Variants in DOCK4 observed in about 807,000 individuals in gnomAD.
DOCK4 encodes dedicator of cytokinesis protein 4.
DOCK4 carries 97 observed loss-of-function variants against 268.1 expected under a neutral mutation model. That is an observed-to-expected ratio of 0.36 (90% confidence interval 0.31 to 0.43). DOCK4 has a LOEUF of 0.43. Among genes scored for constraint, DOCK4 ranks in the 20% least tolerant of loss-of-function variants. The pLI, the probability that DOCK4 is intolerant of heterozygous loss-of-function variation, is 1.00. For synonymous variants in DOCK4, 954 were observed against 887.2 expected (o/e 1.08, Z -1.34); for missense variants, 2,145 against 2,455.7 (o/e 0.87, Z 2.67).
At chr7:112,064,356 C>T (rs1396506018) in intron 1 of DOCK4, among the ~76,000 whole-genome samples, 1 of 152,204 alleles carries the variant, frequency 6.6e-6, no homozygotes, top group Non-Finnish European at 1.5e-5. Context: ...ATGGGTTCTA[C>T]TGTCTGCATC....
intron 1 of DOCK4, among the ~76,000 whole-genome samples, chr7:112,193,816 C>T (rs1476339694): frequency 3.3e-5 from 5 of 151,864 alleles, no homozygotes; most frequent in Admixed American, 1.3e-4. Context: ...ACCACAGGCT[C>T]GGTGTTCTAA....
At chr7:112,191,506 T>C (rs1338303914) in intron 1 of DOCK4, among the ~76,000 whole-genome samples, 1 of 151,844 alleles carries the variant, frequency 6.6e-6, no homozygotes, top group Non-Finnish European at 1.5e-5. Context: ...AGACCAATGC[T>C]AGAGTAAAAA....
intron 26 of DOCK4, among the ~76,000 whole-genome samples, chr7:111,833,702 G>A (rs892053926): frequency 2.0e-5 from 3 of 152,112 alleles, no homozygotes; most frequent in Non-Finnish European, 4.4e-5. Flanking sequence ...ATTTTTCTGA[G>A]ATCATACAAT....
intron 12 of DOCK4, among the ~76,000 whole-genome samples, chr7:111,926,438 CAGAG>C (rs71524824): frequency 7.3e-4 from 46 of 62,648 alleles, no homozygotes; most frequent in Middle Eastern, 0.011. Flanking sequence ...AAAAGAAAGA[CAGAG>C]AGAGAGAGAG....
At chr7:111,874,973 A>T (rs756475514) in intron 17 of DOCK4, among the ~76,000 whole-genome samples, 1 of 152,238 alleles carries the variant, frequency 6.6e-6, no homozygotes, top group Non-Finnish European at 1.5e-5. Flanking sequence ...CCACGTCAAG[A>T]AAAATGAATA....
chr7:111,924,088 G>T, intron 12 of DOCK4, among the ~76,000 whole-genome samples: 1 of 152,006 alleles, frequency 6.6e-6, no homozygotes. Flanking sequence ...TAAAAATCTC[G>T]TTCCATTTTT....
At chr7:112,056,449 G>A (rs1254016691) in intron 1 of DOCK4, among the ~76,000 whole-genome samples, 1 of 152,130 alleles carries the variant, frequency 6.6e-6, no homozygotes, top group Non-Finnish European at 1.5e-5. Context: ...TTAAAAATGT[G>A]TAAGCTCTCC....
At chr7:112,110,735 T>C (rs1179876640) in intron 1 of DOCK4, among the ~76,000 whole-genome samples, 1 of 152,198 alleles carries the variant, frequency 6.6e-6, no homozygotes, top group Non-Finnish European at 1.5e-5. Context: ...AACCCTATCA[T>C]GGGCTGCTCT....
At chr7:111,914,218 T>TCTCCACTG (rs998128790) in intron 13 of DOCK4, among the ~76,000 whole-genome samples, 11 of 152,048 alleles carry the variant, frequency 7.2e-5, no homozygotes, top group African/African-American at 2.4e-4. Context: ...ACTCTCGCCA[T>TCTCCACTG]CTCCACTGCT....
At chr7:112,045,213 G>A (rs1484714812) in intron 1 of DOCK4, among the ~76,000 whole-genome samples, 1 of 151,906 alleles carries the variant, frequency 6.6e-6, no homozygotes, top group Non-Finnish European at 1.5e-5. Context: ...TTTTATATCT[G>A]CCTCTGTTTA....
At chr7:111,918,033 T>C (rs1424050552) in intron 12 of DOCK4, among the ~76,000 whole-genome samples, 1 of 152,186 alleles carries the variant, frequency 6.6e-6, no homozygotes, top group African/African-American at 2.4e-5. Flanking sequence ...GTTGGTTTGC[T>C]TGTTTTTCAA....
intron 12 of DOCK4, among the ~76,000 whole-genome samples, chr7:111,916,927 GA>G (rs1316740669): frequency 2.7e-5 from 4 of 147,344 alleles, no homozygotes; most frequent in Non-Finnish European, 4.5e-5. Context: ...AGTAAACCCT[GA>G]ACCCAATTTG....
chr7:111,893,962 G>A lies in DOCK4; in HGVS notation c.1587+1650C>T, dbSNP rs191687244. On this transcript the variant is annotated intron_variant, in intron 16 of 52. Transcript: ENST00000428084. Reference sequence around the variant, plus strand: ...GTGTGGGCTGGGCGCAGTGGCCCACGCCTGTAATCCCAGCACTTTGGGAGG... The same window carrying A: ...GTGTGGGCTGGGCGCAGTGGCCCACACCTGTAATCCCAGCACTTTGGGAGG... Among the ~76,000 whole-genome samples, 1,101 of 152,014 alleles carry A rather than the reference G, an allele frequency of 7.2e-3. 14 individuals carry two copies. Among genetic ancestry groups the A allele is most frequent in the African/African-American group, 0.026 (1,059 of 41,466 alleles).
chr7:111,986,811 C>T (rs1055405063), intron 6 of DOCK4, among the ~76,000 whole-genome samples: 15 of 152,192 alleles, frequency 9.9e-5, no homozygotes, highest in African/African-American at 3.6e-4. Context: ...ATCTCTTCTT[C>T]CTAAGCTTCC....
intron 1 of DOCK4, among the ~76,000 whole-genome samples, chr7:112,025,377 G>A (rs1004898036): frequency 3.3e-5 from 5 of 152,152 alleles, no homozygotes; most frequent in African/African-American, 7.2e-5. Flanking sequence ...GATTTATACC[G>A]TGGGTTGGAG....
intron 28 of DOCK4, among the ~76,000 whole-genome samples, chr7:111,810,292 G>A (rs1586053519): frequency 6.6e-6 from 1 of 151,656 alleles, no homozygotes; most frequent in East Asian, 2.0e-4. Flanking sequence ...TCTATCCTAA[G>A]AATACAAAAA....
At chr7:111,871,917 T>C in intron 20 of DOCK4, 73 bp downstream of exon 20, 1 of 1,245,172 alleles carries the variant, frequency 8.0e-7, no homozygotes, top group Non-Finnish European at 1.1e-6. Context: ...TAAATTTTCC[T>C]ATATCGCCTC....
rs561279144 is a variant in DOCK4, at chr7:111,999,623, C to T, written c.162+871G>A. Among the ~76,000 whole-genome samples the T allele has an allele frequency of 2.1e-4, 32 of 151,854 alleles. No homozygotes were observed. In the South Asian group the frequency reaches 6.4e-3, roughly 31 times the overall value. On this transcript the variant is annotated intron_variant, in intron 3 of 52. Coordinates refer to ENST00000428084, the MANE Select transcript of DOCK4 (RefSeq NM_001363540.2). ...AATTAAATTTATATACTCTTTTGTC[C>T]CTTACCGTTCCCCTTTAGGATGACC...
intron 1 of DOCK4, among the ~76,000 whole-genome samples, chr7:112,128,296 G>C (rs1043927410): frequency 1.1e-4 from 17 of 151,524 alleles, no homozygotes; most frequent in African/African-American, 4.1e-4. Flanking sequence ...GGGAGGTGGG[G>C]GGGGTCAGCC....
Sources: allele counts gnomAD v4.1 joint callset (sites outside exome capture counted in the v4.1 genomes callset), GRCh38; gene constraint gnomAD v4.1.1; transcripts MANE v1.5; gene names NCBI Gene and HGNC (gene_info 2026-07-23, HGNC 2026-07-21).